B3GALT1: variants seen among roughly 807,000 people sequenced by gnomAD.
B3GALT1 encodes UDP-Gal:betaGlcNAc beta 1,3-galactosyltransferase, polypeptide 1.
Under a neutral mutation model 23.2 loss-of-function variants are expected in B3GALT1, and 10 were observed. That is an observed-to-expected ratio of 0.43 (90% CI 0.27 to 0.73). The LOEUF (loss-of-function observed/expected upper bound fraction) is 0.73. Among genes scored for constraint, B3GALT1 ranks in the 30% least tolerant of loss-of-function variants. B3GALT1 has a pLI of 0.21. For synonymous variants in B3GALT1, 156 were observed against 141.5 expected (o/e 1.10, Z -0.73); for missense variants, 299 against 405.4 (o/e 0.74, Z 2.25).
chr2:167,347,250 C>A (rs1697234816), intron 1 of B3GALT1, among the ~76,000 whole-genome samples: 1 of 152,166 alleles, frequency 6.6e-6, no homozygotes, highest in African/African-American at 2.4e-5. Context: ...TAATTAACTT[C>A]AGTTCTTAAT....
At chr2:167,714,576 G>A in intron 3 of B3GALT1, 1 of 1,613,612 alleles carries the variant, frequency 6.2e-7, no homozygotes, top group Non-Finnish European at 8.5e-7. Context: ...TTTTCTAAAA[G>A]TTCAGATTTA....
intron 2 of B3GALT1, among the ~76,000 whole-genome samples, chr2:167,518,049 A>G (rs1700131023): frequency 6.6e-6 from 1 of 152,108 alleles, no homozygotes; most frequent in East Asian, 1.9e-4. Context: ...AAAAAATTGT[A>G]TTTGTTTTCT....
At chr2:167,753,469 T>C (rs527428128) in intron 3 of B3GALT1, among the ~76,000 whole-genome samples, 1 of 152,288 alleles carries the variant, frequency 6.6e-6, no homozygotes, top group South Asian at 2.1e-4. Flanking sequence ...CCTCCCACTT[T>C]CCATGCAGAG....
intron 3 of B3GALT1, among the ~76,000 whole-genome samples, chr2:167,737,999 C>T (rs1687519309): frequency 6.6e-6 from 1 of 152,140 alleles, no homozygotes; most frequent in Non-Finnish European, 1.5e-5. Context: ...TGATGACAAA[C>T]CCCAAGACTA....
At chr2:167,798,464 AG>A (rs1163832308) in intron 3 of B3GALT1, among the ~76,000 whole-genome samples, 1 of 152,096 alleles carries the variant, frequency 6.6e-6, no homozygotes, top group African/African-American at 2.4e-5. Flanking sequence ...TTTTTGTACA[AG>A]GTATAAGGGA....
chr2:167,352,940 A>C (rs567988826), intron 1 of B3GALT1, among the ~76,000 whole-genome samples: 5 of 152,364 alleles, frequency 3.3e-5, no homozygotes, highest in South Asian at 2.1e-4. Context: ...AACACTGTAC[A>C]TAATAAACCC....
intron 2 of B3GALT1, among the ~76,000 whole-genome samples, chr2:167,512,609 T>TATATATATATGC: frequency 9.8e-6 from 1 of 102,502 alleles, no homozygotes; most frequent in East Asian, 5.9e-4. Context: ...TATATATATG[T>TATATATATATGC]ATATATATAT....
chr2:167,504,966 A>G (rs4254478), intron 2 of B3GALT1, among the ~76,000 whole-genome samples: 3 of 152,208 alleles, frequency 2.0e-5, no homozygotes, highest in Non-Finnish European at 4.4e-5. Context: ...GTGATGCATG[A>G]CTATATGTAC....
intron 1 of B3GALT1, among the ~76,000 whole-genome samples, chr2:167,467,943 G>A (rs1472871663): frequency 1.3e-5 from 2 of 152,138 alleles, no homozygotes; most frequent in East Asian, 3.8e-4. Flanking sequence ...GAGGAAAGTA[G>A]ATAATAAGCA....
intron 2 of B3GALT1, among the ~76,000 whole-genome samples, chr2:167,522,273 G>T (rs893119947): frequency 2.0e-5 from 3 of 151,876 alleles, no homozygotes; most frequent in African/African-American, 4.8e-5. Context: ...TTTTTGAGAA[G>T]ACAAACTAAA....
intron 2 of B3GALT1, among the ~76,000 whole-genome samples, chr2:167,631,873 C>G (rs58294324): frequency 6.6e-6 from 1 of 150,522 alleles, no homozygotes; most frequent in Non-Finnish European, 1.5e-5. Flanking sequence ...TAGGTATACC[C>G]GTACCATGCT....
intron 3 of B3GALT1, among the ~76,000 whole-genome samples, chr2:167,796,162 T>A (rs35120611): frequency 4.6e-5 from 7 of 152,070 alleles, no homozygotes; most frequent in Admixed American, 2.0e-4. Context: ...GATTTTTTTT[T>A]AAATATGTGA....
intron 3 of B3GALT1, among the ~76,000 whole-genome samples, chr2:167,683,775 C>T (rs140151328): frequency 3.9e-4 from 59 of 152,156 alleles, no homozygotes; most frequent in African/African-American, 1.0e-3. Flanking sequence ...ACATCAAAGA[C>T]AATCCAGCTT....
chr2:167,435,638 A>C (rs750946415), intron 1 of B3GALT1, among the ~76,000 whole-genome samples: 1 of 151,978 alleles, frequency 6.6e-6, no homozygotes, highest in Non-Finnish European at 1.5e-5. Context: ...TGTGGTGCCT[A>C]GTTTAATAAG....
intron 3 of B3GALT1, among the ~76,000 whole-genome samples, chr2:167,686,504 T>G (rs147274165): frequency 3.3e-5 from 5 of 152,320 alleles, no homozygotes; most frequent in African/African-American, 1.2e-4. Context: ...ATTTTAAGCA[T>G]CTACTGTAAG....
chr2:167,426,118 G>A, intron 1 of B3GALT1, among the ~76,000 whole-genome samples: 1 of 152,112 alleles, frequency 6.6e-6, no homozygotes. Flanking sequence ...AATTTGAGCT[G>A]CTGTTGAATG....
chr2:167,752,440 A>G (rs1267690590), intron 3 of B3GALT1, among the ~76,000 whole-genome samples: 1 of 152,148 alleles, frequency 6.6e-6, no homozygotes, highest in Non-Finnish European at 1.5e-5. Flanking sequence ...TTTTGTAGCC[A>G]TGAGGAGACC....
chr2:167,835,730 C>G (rs1473168454), intron 4 of B3GALT1, among the ~76,000 whole-genome samples: 2 of 152,228 alleles, frequency 1.3e-5, no homozygotes, highest in African/African-American at 4.8e-5. Context: ...AGACTGCCTC[C>G]TCAAGTGGGT....
At chr2:167,351,554 G>A (rs976389251) in intron 1 of B3GALT1, among the ~76,000 whole-genome samples, 1 of 152,160 alleles carries the variant, frequency 6.6e-6, no homozygotes. Flanking sequence ...GAAAAGATGT[G>A]GTGTAGCAAA....
Sources: gnomAD v4.1 joint callset for allele counts (sites outside exome capture counted in the v4.1 genomes callset) on GRCh38, gnomAD v4.1.1 for gene constraint, MANE v1.5 for transcripts, NCBI Gene and HGNC (gene_info 2026-07-23, HGNC 2026-07-21) for gene names.